The following MMUT variants were observed in gnomAD, a reference collection of about 807,000 sequenced individuals.
MMUT encodes methylmalonyl-CoA mutase, mitochondrial.
A neutral mutation model predicts 79.9 loss-of-function variants in MMUT; 79 were observed. That is an observed-to-expected ratio of 0.99 (90% CI 0.82 to 1.19). MMUT has a LOEUF of 1.19. Among genes scored for constraint, MMUT ranks in the 50% most tolerant of loss-of-function variants. MMUT has a pLI of 0.00. For synonymous variants in MMUT, 273 were observed against 295.7 expected (o/e 0.92, Z 0.79); for missense variants, 860 against 917.2 (o/e 0.94, Z 0.81).
chr6:49,435,655 G>T, intron 11 of MMUT, 32 bp from the exon 12 acceptor site: 1 of 1,597,930 alleles, frequency 6.3e-7, no homozygotes, highest in South Asian at 1.1e-5. Context: ...ATAAATCATT[G>T]TTTATTACTA....
intron 11 of MMUT, 116 bp from the exon 12 acceptor site, chr6:49,435,739 A>G (rs1406249777): frequency 3.7e-6 from 4 of 1,090,200 alleles, no homozygotes; most frequent in Non-Finnish European, 5.2e-6. Context: ...CAAAGACTTC[A>G]TGATGAAGAT....
At chr6:49,438,997 TC>T (rs1767203693) in intron 11 of MMUT, among the ~76,000 whole-genome samples, 1 of 151,644 alleles carries the variant, frequency 6.6e-6, no homozygotes, top group Non-Finnish European at 1.5e-5. Flanking sequence ...CTTAATAAAC[TC>T]CCCCTTACAT....
intron 8 of MMUT, among the ~76,000 whole-genome samples, chr6:49,445,685 G>C (rs922371928): frequency 6.6e-6 from 1 of 151,954 alleles, no homozygotes; most frequent in African/African-American, 2.4e-5. Context: ...ATAGTGTATG[G>C]TTTAGGAAAT....
At chr6:49,458,314 C>T (rs1767748538) in intron 2 of MMUT, among the ~76,000 whole-genome samples, 1 of 152,094 alleles carries the variant, frequency 6.6e-6, no homozygotes, top group Non-Finnish European at 1.5e-5. Flanking sequence ...GGAGAAACAA[C>T]AAATCTCAAT....
chr6:49,449,216 A>G (rs1318174526), intron 6 of MMUT, among the ~76,000 whole-genome samples: 1 of 152,140 alleles, frequency 6.6e-6, no homozygotes, highest in Non-Finnish European at 1.5e-5. Flanking sequence ...ATTTTTAGGT[A>G]CATAAAGTTT....
At chr6:49,447,812 A>T in intron 7 of MMUT, 27 bp from the exon 8 acceptor site, 1 of 1,279,386 alleles carries the variant, frequency 7.8e-7, no homozygotes, top group Non-Finnish European at 1.1e-6. Context: ...GAAAAATTTT[A>T]TTCACAAATA....
At position 49,459,399 on chromosome 6, in the gene MMUT, G is replaced by A; in HGVS notation, c.68C>T (p.Ser23Leu). Residue 23 changes from serine (S) to leucine (L), a missense_variant, in exon 2 of 13, where the codon TCA becomes TTA. Ser to Leu is a moderately radical substitution (Grantham distance 145, BLOSUM62 -2). Transcript: ENST00000274813. ...TCGTTGCTGTATGAGCCTGGAGCCTGATGATTCTTTTACCTGCCTCAGGTA... is the reference window on the plus strand; with the variant it reads ...TCGTTGCTGTATGAGCCTGGAGCCTAATGATTCTTTTACCTGCCTCAGGTA... The part of the protein sequence containing the change: ...PHYLRQVKES[S>L]GSRLIQQRLL... 2.5e-6 allele frequency: 4 copies of A among 1,613,538 alleles called. No homozygotes were observed. Among genetic ancestry groups the A allele is most frequent in the Non-Finnish European group, 3.4e-6 (4 of 1,179,882 alleles).
chr6:49,446,006 T>C (rs1326008630), intron 8 of MMUT, among the ~76,000 whole-genome samples: 1 of 152,030 alleles, frequency 6.6e-6, no homozygotes, highest in Non-Finnish European at 1.5e-5. Flanking sequence ...CACTGTAAGC[T>C]TCTTAGATAA....
chr6:49,444,786 A>AAATT (rs1561953910), intron 8 of MMUT, 32 bp from the exon 9 acceptor site: 1 of 1,517,444 alleles, frequency 6.6e-7, no homozygotes, highest in Middle Eastern at 1.7e-4. Context: ...GGGACAATTT[A>AAATT]CATGAAGAGA....
At position 49,451,539 on chromosome 6, in the gene MMUT, T is replaced by C; in HGVS notation, c.1259A>G (p.Lys420Arg). ...IIIQEESGIPKVADPWGGSYM... is the reference protein window; with the variant it reads ...IIIQEESGIPRVADPWGGSYM... ...AGAACCTCCCCAAGGATCAGCCACTTTGGGAATCCCAGATTCTTCTTGAAT... is the reference window on the plus strand; with the variant it reads ...AGAACCTCCCCAAGGATCAGCCACTCTGGGAATCCCAGATTCTTCTTGAAT... The change falls in exon 6 of 13, where the codon AAA (lysine) becomes AGA (arginine). Residue 420 changes from lysine (K) to arginine (R), a missense_variant. Lys to Arg is a conservative substitution (Grantham distance 26, BLOSUM62 2). Transcript: ENST00000274813. The C allele has an allele frequency of 6.2e-7, 1 of 1,614,128 alleles. No individual in the cohort carries two copies.
Position 49,452,225 on chromosome 6 carries a change from T to C in MMUT, c.1084-511A>G, listed in dbSNP as rs557812344. ...TCATTGGATCTCTCTGAACTTCAGTTTCTTTAGCTGAAAAAATAAGCAGGT... is the reference window on the plus strand; with the variant it reads ...TCATTGGATCTCTCTGAACTTCAGTCTCTTTAGCTGAAAAAATAAGCAGGT... On this transcript the variant is annotated intron_variant, in intron 5 of 12. Coordinates refer to ENST00000274813, the MANE Select transcript of MMUT (RefSeq NM_000255.4). 2.0e-5 allele frequency among the ~76,000 whole-genome samples: 3 copies of C among 152,326 alleles called. No individual in the cohort carries two copies. The South Asian group carries it at 6.2e-4, about 32-fold the overall frequency.
At position 49,451,491 on chromosome 6, in the gene MMUT, T is replaced by C. The variant is rs1486820133; in HGVS notation, c.1307A>G (p.Asn436Ser). 1.2e-6 allele frequency: 2 copies of C among 1,613,998 alleles called. No individual in the cohort carries two copies. Among genetic ancestry groups the C allele is most frequent in the Middle Eastern group, 1.6e-4 (1 of 6,084 alleles). The change falls in exon 6 of 13, where the codon AAT becomes AGT. Residue 436 changes from asparagine to serine, a missense_variant. Physicochemically the swap from Asn to Ser is conservative, Grantham distance 46 (BLOSUM62 1). Coordinates refer to ENST00000274813, the MANE Select transcript of MMUT (RefSeq NM_000255.4). ...GGSYMMECLT[N>S]DVYDAALKLI... Reference sequence around the variant, plus strand: ...CTTTAAAGCAGCATCATAAACATCATTTGTGAGACATTCCATCATGTAAGA... The same window carrying C: ...CTTTAAAGCAGCATCATAAACATCACTTGTGAGACATTCCATCATGTAAGA...
At chr6:49,462,768 A>T (rs1193846066) in intron 1 of MMUT, among the ~76,000 whole-genome samples, 1 of 152,198 alleles carries the variant, frequency 6.6e-6, no homozygotes, top group Non-Finnish European at 1.5e-5. Context: ...TCCCTTTGGA[A>T]CCATACAAAA....
intron 4 of MMUT, 109 bp from the exon 5 acceptor site, chr6:49,453,865 C>G (rs1036567539): frequency 3.2e-6 from 3 of 942,174 alleles, no homozygotes; most frequent in South Asian, 2.9e-5. Flanking sequence ...ATTTTAATTT[C>G]GAAGAACTTA....
At position 49,453,710 on chromosome 6, in the gene MMUT, C is replaced by G; in HGVS notation, c.958G>C (p.Ala320Pro). 6.2e-7 allele frequency: 1 copy of G among 1,613,348 alleles called. No individual in the cohort carries two copies. Among genetic ancestry groups the G allele is most frequent in the Non-Finnish European group, 8.5e-7 (1 of 1,179,596 alleles). ...AGTCTTCTACCAGCTCTCATCTTTG[C>G]TATTTCCATATAGAAATTCATTCCA... ...GIGMNFYMEI[A>P]KMRAGRRLWA... The change falls in exon 5 of 13, where the codon GCA becomes CCA. Residue 320 changes from alanine to proline, a missense_variant. By Grantham distance (27) the Ala-to-Pro change is conservative. Coordinates refer to ENST00000274813, the MANE Select transcript of MMUT (RefSeq NM_000255.4).
At chr6:49,437,785 T>G (rs936180572) in intron 11 of MMUT, among the ~76,000 whole-genome samples, 1 of 151,954 alleles carries the variant, frequency 6.6e-6, no homozygotes, top group African/African-American at 2.4e-5. Flanking sequence ...ACCGTACTGC[T>G]TGAATCTAGT....
At position 49,443,646 on chromosome 6, in the gene MMUT, T is replaced by C. The variant is rs1767335931; in HGVS notation, c.1676+993A>G. On this transcript the variant is annotated intron_variant, in intron 9 of 12. Coordinates refer to ENST00000274813, the MANE Select transcript of MMUT (RefSeq NM_000255.4). ...TTTATATATGATACATATAATGAGA[T>C]AATTTTTAAATAACAACAAATAGAA... is the stretch of plus-strand genomic sequence containing the variant. The C allele has an allele frequency of 1.4e-5, 3 of 216,030 alleles. No individual in the cohort carries two copies. The East Asian group carries it at 4.0e-4, about 29-fold the overall frequency. The allele number at this position is 216,030 out of a possible 1,614,324, so 13.4% of individuals were successfully genotyped here. A position where few individuals can be genotyped will look rare whatever the true frequency, so the allele number is the denominator to read the frequency against.
intron 6 of MMUT, among the ~76,000 whole-genome samples, chr6:49,450,631 T>C (rs1767529276): frequency 1.3e-5 from 2 of 152,284 alleles, no homozygotes; most frequent in Admixed American, 1.3e-4. Flanking sequence ...ATTTCCTGAA[T>C]GGAAATAATG....
intron 10 of MMUT, 92 bp from the exon 11 acceptor site, chr6:49,440,445 G>T: frequency 7.4e-7 from 1 of 1,346,758 alleles, no homozygotes; most frequent in Non-Finnish European, 1.0e-6. Context: ...AATCTTTCAA[G>T]TTTATTTAAA....
Sources: allele counts gnomAD v4.1 joint callset (sites outside exome capture counted in the v4.1 genomes callset), GRCh38; gene constraint gnomAD v4.1.1; transcripts MANE v1.5; gene names NCBI Gene and HGNC (gene_info 2026-07-23, HGNC 2026-07-21).